KIF2A: variants seen among roughly 807,000 people sequenced by gnomAD.
KIF2A encodes the protein kinesin family member 2A, also known as kinesin-like protein KIF2A.
In KIF2A, 22 loss-of-function variants were observed where a neutral mutation model predicts 100.2. The observed-to-expected ratio is 0.22, with a 90% confidence interval of 0.16 to 0.31. The LOEUF is 0.31. Among genes scored for constraint, KIF2A ranks in the 10% least tolerant of loss-of-function variants. The pLI, the probability that KIF2A is intolerant of heterozygous loss-of-function variation, is 1.00. For missense variants in KIF2A, 495 were observed against 898.7 expected, an observed-to-expected ratio of 0.55 and a Z score of 5.74; for synonymous variants, 268 against 285.9, an observed-to-expected ratio of 0.94 and a Z score of 0.63.
chr5:62,389,612 T>C lies in KIF2A; in HGVS notation c.*4043T>C, dbSNP rs556952054. ...GTCGTAATGAATTTGACTAAAATTA[T>C]CTTAGACTTTCATTATCCCAGGCCT... On this transcript the variant is annotated 3_prime_UTR_variant, in exon 21 of 21. Coordinates refer to ENST00000407818, the MANE Select transcript of KIF2A (RefSeq NM_001098511.3). 6.6e-6 allele frequency among the ~76,000 whole-genome samples: 1 copy of C among 152,186 alleles called. No homozygotes were observed. The highest frequency in any genetic ancestry group is 2.1e-4 in the South Asian group (1 of 4,836).
In KIF2A at chr5:62,365,240, CA is replaced by C; in HGVS notation, c.1468-2del. 1 of 1,484,932 alleles carries C rather than the reference CA, an allele frequency of 6.7e-7. No homozygotes were observed. The highest frequency in any genetic ancestry group is 9.2e-7 in the Non-Finnish European group (1 of 1,082,000). 92.0% of individuals were successfully genotyped at this position (1,484,932 alleles called of 1,614,324 possible). The stretch of plus-strand genomic sequence containing the variant: ...CTGTGAGACTTGTTTTCTTAATTTT[CA>C]GGAGTGCATCAGAGCCTTAGGTAGA... On this transcript the variant is annotated splice_acceptor_variant, in intron 14 of 20. Transcript: ENST00000407818. LOFTEE classifies it high-confidence loss of function.
chr5:62,306,397 T>TA lies in KIF2A; in HGVS notation c.-75dup. 5 of 369,820 alleles carry TA rather than the reference T, an allele frequency of 1.4e-5. No homozygotes were observed. Among genetic ancestry groups the TA allele is most frequent in the African/African-American group, 2.6e-5 (1 of 38,830 alleles). 22.9% of individuals were successfully genotyped at this position (369,820 alleles called of 1,614,324 possible). A position where few individuals can be genotyped will look rare whatever the true frequency, so the allele number is the denominator to read the frequency against. On this transcript the variant is annotated 5_prime_UTR_variant, in exon 1 of 21. Transcript: ENST00000407818. ...GGGCAACCGCTCCCCCTCCCACACC[T>TA]ACCCCGCCCCCTCCCCGCCTTTTCC...
intron 1 of KIF2A, among the ~76,000 whole-genome samples, chr5:62,337,724 C>CTGAA (rs1332312496): frequency 6.6e-6 from 1 of 151,422 alleles, no homozygotes; most frequent in Non-Finnish European, 1.5e-5. Context: ...ACTCGGCAGG[C>CTGAA]TGAAGCAGGA....
At chr5:62,316,452 A>G (rs926892427) in intron 1 of KIF2A, among the ~76,000 whole-genome samples, 2 of 152,190 alleles carry the variant, frequency 1.3e-5, no homozygotes, top group African/African-American at 4.8e-5. Flanking sequence ...TAGGATTCTA[A>G]GTGCCATTTC....
intron 9 of KIF2A, 95 bp downstream of exon 9, chr5:62,358,394 G>A: frequency 2.7e-6 from 2 of 733,564 alleles, no homozygotes; most frequent in Non-Finnish European, 4.3e-6. Context: ...TTTCTTAAGA[G>A]GTGCAATATG....
chr5:62,358,705 C>G (rs950496039), intron 9 of KIF2A, among the ~76,000 whole-genome samples: 3 of 152,200 alleles, frequency 2.0e-5, no homozygotes, highest in Non-Finnish European at 4.4e-5. Flanking sequence ...TGGTCTTGCT[C>G]TGTTGCCCAG....
At position 62,381,108 on chromosome 5, in the gene KIF2A, G is replaced by C. The variant is rs1201913820; in HGVS notation, c.2014-10G>C. The C allele has an allele frequency of 1.2e-6, 2 of 1,600,282 alleles. No homozygotes were observed. Among genetic ancestry groups the C allele is most frequent in the Non-Finnish European group, 1.7e-6 (2 of 1,172,406 alleles). On this transcript the variant is annotated splice_polypyrimidine_tract_variant and intron_variant, in intron 19 of 20. Coordinates refer to ENST00000407818, the MANE Select transcript of KIF2A (RefSeq NM_001098511.3). ...ATGCTTATTGGATTATCGAATTTTTGTCCTTGTAGGAATCTATTCGGTGGT... is the reference window on the plus strand; with the variant it reads ...ATGCTTATTGGATTATCGAATTTTTCTCCTTGTAGGAATCTATTCGGTGGT...
chr5:62,308,994 T>G lies in KIF2A; in HGVS notation c.64+2458T>G, dbSNP rs1319245380. Among the ~76,000 whole-genome samples the G allele has an allele frequency of 3.3e-5, 5 of 152,236 alleles. No homozygotes were observed. The South Asian group carries it at 1.0e-3, about 31-fold the overall frequency. On this transcript the variant is annotated intron_variant, in intron 1 of 20. Transcript: ENST00000407818. ...ATTCCATAGCATCATGTTGTAAACC[T>G]CAGTTGCACAATGAAATTTATTTTT...
intron 1 of KIF2A, among the ~76,000 whole-genome samples, chr5:62,346,857 G>A (rs904308887): frequency 2.0e-5 from 3 of 152,174 alleles, no homozygotes; most frequent in Admixed American, 6.5e-5. Context: ...TTCAGGCATT[G>A]TATGTCACTG....
In KIF2A at chr5:62,385,708, A is replaced by G. The variant is rs1741993976; in HGVS notation, c.*139A>G. On this transcript the variant is annotated 3_prime_UTR_variant, in exon 21 of 21. Coordinates refer to ENST00000407818, the MANE Select transcript of KIF2A (RefSeq NM_001098511.3). The stretch of plus-strand genomic sequence containing the variant: ...TGTCCTTCACCTGAATTACATTTCA[A>G]TTTTGTGAAACACTCTTTTGTCTAC... The G allele has an allele frequency of 3.3e-6, 2 of 610,406 alleles. No homozygotes were observed. Among genetic ancestry groups the G allele is most frequent in the Non-Finnish European group, 5.9e-6 (2 of 340,194 alleles). 37.8% of individuals were successfully genotyped at this position (610,406 alleles called of 1,614,324 possible).
At chr5:62,383,388 G>A (rs1367777777) in intron 20 of KIF2A, among the ~76,000 whole-genome samples, 2 of 151,400 alleles carry the variant, frequency 1.3e-5, no homozygotes, top group East Asian at 1.9e-4. Context: ...GACTACAGGC[G>A]CCCGCCACCA....
chr5:62,310,683 A>G (rs995556888), intron 1 of KIF2A, among the ~76,000 whole-genome samples: 1 of 152,182 alleles, frequency 6.6e-6, no homozygotes, highest in Non-Finnish European at 1.5e-5. Context: ...GTTATCAGTG[A>G]CAGGGGTTAG....
chr5:62,326,738 A>G (rs1746397975), intron 1 of KIF2A, among the ~76,000 whole-genome samples: 1 of 151,924 alleles, frequency 6.6e-6, no homozygotes, highest in Non-Finnish European at 1.5e-5. Context: ...GCTCACACCT[A>G]TAATCCCAGC....
intron 18 of KIF2A, 43 bp downstream of exon 18, chr5:62,373,880 T>G (rs760586399): frequency 4.8e-6 from 7 of 1,454,618 alleles, no homozygotes; most frequent in Admixed American, 1.7e-5. Flanking sequence ...TTAGTTCATT[T>G]CATCAGTAGC....
chr5:62,306,347 C>T lies in KIF2A; in HGVS notation c.-126C>T. Reference sequence around the variant, plus strand: ...CCTTGCGGCCCCGCTTGCGTTCACGCTGTCGCCCGGGCCGGCGCGGCCGCG... The same window carrying T: ...CCTTGCGGCCCCGCTTGCGTTCACGTTGTCGCCCGGGCCGGCGCGGCCGCG... On this transcript the variant is annotated 5_prime_UTR_variant, in exon 1 of 21. Coordinates refer to ENST00000407818, the MANE Select transcript of KIF2A (RefSeq NM_001098511.3). 1.3e-6 allele frequency: 1 copy of T among 752,144 alleles called. No individual in the cohort carries two copies. The highest frequency in any genetic ancestry group is 2.9e-5 in the East Asian group (1 of 34,502). 46.6% of individuals were successfully genotyped at this position (752,144 alleles called of 1,614,324 possible).
chr5:62,323,110 G>A (rs113311047), intron 1 of KIF2A, among the ~76,000 whole-genome samples: 6,594 of 151,676 alleles, frequency 0.043, 453 homozygotes, highest in African/African-American at 0.15. Context: ...TTCAAAATTA[G>A]CCAGGCATGG....
At chr5:62,327,783 A>T (rs1746451265) in intron 1 of KIF2A, among the ~76,000 whole-genome samples, 1 of 152,118 alleles carries the variant, frequency 6.6e-6, no homozygotes, top group African/African-American at 2.4e-5. Context: ...AATTTCCACG[A>T]CTCAGGGCCA....
rs1741013853 is a variant in KIF2A at position 62,365,245 on chromosome 5, G to A, written c.1470G>A (p.Glu490=). The A allele has an allele frequency of 6.5e-7, 1 of 1,530,740 alleles. No homozygotes were observed. 94.8% of individuals were successfully genotyped at this position (1,530,740 alleles called of 1,614,324 possible). The change falls in exon 15 of 21, where the codon GAG becomes GAA. Residue 490 remains glutamate (E), a splice_region_variant and synonymous_variant. Coordinates refer to ENST00000407818, the MANE Select transcript of KIF2A (RefSeq NM_001098511.3). ...EINKSLLALK[E]CIRALGRNKP... ...AGACTTGTTTTCTTAATTTTCAGGA[G>A]TGCATCAGAGCCTTAGGTAGAAATA...
intron 1 of KIF2A, among the ~76,000 whole-genome samples, chr5:62,316,339 G>A (rs2111788968): frequency 6.6e-6 from 1 of 152,242 alleles, no homozygotes; most frequent in East Asian, 1.9e-4. Flanking sequence ...AAGGGATGAG[G>A]TGTTTTATTT....
Sources: gnomAD v4.1 joint callset for allele counts (sites outside exome capture counted in the v4.1 genomes callset) on GRCh38, gnomAD v4.1.1 for gene constraint, MANE v1.5 for transcripts, NCBI Gene and HGNC (gene_info 2026-07-23, HGNC 2026-07-21) for gene names.